Variants in IL1RAPL2 observed in about 807,000 individuals in gnomAD.
IL1RAPL2 encodes the protein interleukin 1 receptor accessory protein like 2, also known as X-linked interleukin-1 receptor accessory protein-like 2.
IL1RAPL2 carries 3 observed loss-of-function variants against 44.1 expected under a neutral mutation model. The ratio of observed to expected loss-of-function variants is 0.07; its 90% CI spans 0.03 to 0.18. The LOEUF (loss-of-function observed/expected upper bound fraction) is 0.18, where lower values mean the gene tolerates loss of function less well. Among genes scored for constraint, IL1RAPL2 ranks in the 10% least tolerant of loss-of-function variants. IL1RAPL2 has a pLI of 1.00. For synonymous variants in IL1RAPL2, 181 were observed against 178.8 expected, an observed-to-expected ratio of 1.01 and a Z score of -0.10; for missense variants, 391 against 496.4, an observed-to-expected ratio of 0.79 and a Z score of 2.02.
At chrX:105,017,207 A>T (rs1177022542) in intron 2 of IL1RAPL2, among the ~76,000 whole-genome samples, 1 of 109,675 alleles carries the variant, frequency 9.1e-6, no homozygotes, top group Non-Finnish European at 1.9e-5. Flanking sequence ...CTTCTTTATT[A>T]GTCTGTCTAG....
intron 2 of IL1RAPL2, among the ~76,000 whole-genome samples, chrX:104,811,294 A>C (rs1017666795): frequency 1.4e-4 from 16 of 111,958 alleles, no homozygotes; most frequent in Admixed American, 5.7e-4. Context: ...TCAAGAATAA[A>C]GACAGTGAAA....
At position 104,915,227 on chromosome X, in the gene IL1RAPL2, G is replaced by C. The variant is rs758132009; in HGVS notation, c.82+256232G>C. Among the ~76,000 whole-genome samples the C allele has an allele frequency of 2.5e-4, 28 of 111,043 alleles. No individual in the cohort carries two copies. The South Asian group carries it at 0.01, about 42-fold the overall frequency. On this transcript the variant is annotated intron_variant, in intron 2 of 10. Transcript: ENST00000372582. ...TTTCTCCACATCCTCTCCAGCACCT[G>C]TTGTTTCCTGACTTTTTAATGATCG...
At chrX:105,344,613 A>G (rs1013466654) in intron 5 of IL1RAPL2, among the ~76,000 whole-genome samples, 1 of 111,962 alleles carries the variant, frequency 8.9e-6, no homozygotes, top group Non-Finnish European at 1.9e-5. Context: ...TGGCAATTCA[A>G]TCCAGTATAG....
chrX:105,749,520 A>G (rs5962298), intron 9 of IL1RAPL2, among the ~76,000 whole-genome samples: 29,244 of 110,776 alleles, frequency 0.26, 5,228 homozygotes, highest in African/African-American at 0.65. Flanking sequence ...ATTTATAGCC[A>G]TTGCTGCCAT....
chrX:105,533,908 A>G (rs1329508815), intron 6 of IL1RAPL2, among the ~76,000 whole-genome samples: 1 of 112,161 alleles, frequency 8.9e-6, no homozygotes, highest in Non-Finnish European at 1.9e-5. Flanking sequence ...CTGCTATGAC[A>G]AGTTCCTCCA....
intron 6 of IL1RAPL2, among the ~76,000 whole-genome samples, chrX:105,489,787 T>TC (rs2036299898): frequency 4.5e-4 from 33 of 73,388 alleles, no homozygotes; most frequent in African/African-American, 1.2e-3. Flanking sequence ...CTTTCTCTCT[T>TC]TCTCTCTCTC....
At chrX:105,651,361 G>A (rs890733722) in intron 6 of IL1RAPL2, among the ~76,000 whole-genome samples, 4 of 111,644 alleles carry the variant, frequency 3.6e-5, no homozygotes, top group Admixed American at 9.5e-5. Context: ...TGGCAATGAA[G>A]GATGTCAAAC....
chrX:105,354,887 T>G (rs531957334), intron 5 of IL1RAPL2, among the ~76,000 whole-genome samples: 1 of 111,429 alleles, frequency 9.0e-6, no homozygotes, highest in South Asian at 3.8e-4. Context: ...TGTGGACTAT[T>G]CCCCCTCCTA....
chrX:105,287,428 A>G (rs2034580088), intron 5 of IL1RAPL2, among the ~76,000 whole-genome samples: 1 of 111,764 alleles, frequency 8.9e-6, no homozygotes, highest in African/African-American at 3.3e-5. Context: ...GGTAAGGGAC[A>G]GACAGTGCAG....
At chrX:105,319,942 G>A (rs1420566021) in intron 5 of IL1RAPL2, among the ~76,000 whole-genome samples, 2 of 111,201 alleles carry the variant, frequency 1.8e-5, no homozygotes, top group East Asian at 2.8e-4. Flanking sequence ...AATGACTTAC[G>A]AGTTATTTTC....
rs1428632204 is a variant in IL1RAPL2, at chrX:105,490,569, C to T, written c.772+6182C>T. ...TCCCTTAAGAGACCAGTGTAAAAGA[C>T]TCTACAAGAGAATATATCAAAATAT... On this transcript the variant is annotated intron_variant, in intron 6 of 10. Transcript: ENST00000372582. 1.4e-4 allele frequency among the ~76,000 whole-genome samples: 16 copies of T among 111,949 alleles called. 1 individual carries two copies. The highest frequency in any genetic ancestry group is 3.8e-5 in the Non-Finnish European group (2 of 53,167).
At chrX:105,699,872 A>G (rs2038105499) in intron 6 of IL1RAPL2, among the ~76,000 whole-genome samples, 1 of 111,830 alleles carries the variant, frequency 8.9e-6, no homozygotes, top group African/African-American at 3.2e-5. Flanking sequence ...CAGTCAGCTC[A>G]TGTTGCAGAG....
At chrX:105,645,250 G>A (rs2037597510) in intron 6 of IL1RAPL2, among the ~76,000 whole-genome samples, 1 of 111,233 alleles carries the variant, frequency 9.0e-6, no homozygotes, top group Admixed American at 9.6e-5. Context: ...TGTAGTTCAA[G>A]GCTGCCATAT....
chrX:105,314,342 A>G (rs2034820226), intron 5 of IL1RAPL2, among the ~76,000 whole-genome samples: 1 of 109,140 alleles, frequency 9.2e-6, no homozygotes, highest in African/African-American at 3.3e-5. Flanking sequence ...CCTCTAGTCG[A>G]TCTTGCTGTT....
chrX:105,302,433 G>A (rs2034703900), intron 5 of IL1RAPL2, among the ~76,000 whole-genome samples: 1 of 111,567 alleles, frequency 9.0e-6, no homozygotes, highest in Non-Finnish European at 1.9e-5. Context: ...ATTACTCAGG[G>A]CCCAAAGACT....
chrX:104,832,828 C>A (rs1347081173), intron 2 of IL1RAPL2, among the ~76,000 whole-genome samples: 1 of 111,155 alleles, frequency 9.0e-6, no homozygotes, highest in Non-Finnish European at 1.9e-5. Flanking sequence ...GATTTCATTG[C>A]TTTAAAGGTA....
chrX:104,765,304 T>C (rs1932536386), intron 2 of IL1RAPL2, among the ~76,000 whole-genome samples: 2 of 111,979 alleles, frequency 1.8e-5, no homozygotes, highest in African/African-American at 6.5e-5. Flanking sequence ...GTTGTATGTA[T>C]CTAGGGATTT....
rs1009560585 is a variant in IL1RAPL2, at chrX:105,488,944, A to G, written c.772+4557A>G. Among the ~76,000 whole-genome samples the G allele has an allele frequency of 2.0e-4, 22 of 112,252 alleles. No individual in the cohort carries two copies. The Admixed American group carries it at 2.1e-3, about 11-fold the overall frequency. Reference sequence around the variant, plus strand: ...ATAGTGGAAGCCATTAGTCATCTGCAAAGTTCTAGAAATTTAGATACGTTT... The same window carrying G: ...ATAGTGGAAGCCATTAGTCATCTGCGAAGTTCTAGAAATTTAGATACGTTT... On this transcript the variant is annotated intron_variant, in intron 6 of 10. Transcript: ENST00000372582.
chrX:105,334,878 A>T (rs917855390), intron 5 of IL1RAPL2, among the ~76,000 whole-genome samples: 9 of 111,318 alleles, frequency 8.1e-5, no homozygotes, highest in Non-Finnish European at 1.3e-4. Context: ...CACATAAAAA[A>T]CATGCAACAA....
Sources: allele counts gnomAD v4.1 joint callset (sites outside exome capture counted in the v4.1 genomes callset), GRCh38; gene constraint gnomAD v4.1.1; transcripts MANE v1.5; gene names NCBI Gene and HGNC (gene_info 2026-07-23, HGNC 2026-07-21).